The following SRPK1 variants were observed in gnomAD, a reference collection of about 807,000 sequenced individuals.
The protein encoded by SRPK1 is SFRS protein kinase 1.
Under a neutral mutation model 89.5 loss-of-function variants are expected in SRPK1, and 52 were observed. The observed-to-expected ratio is 0.58, with a 90% CI of 0.46 to 0.73. The LOEUF (loss-of-function observed/expected upper bound fraction) is 0.73. Among genes scored for constraint, SRPK1 ranks in the 30% least tolerant of loss-of-function variants. SRPK1 has a pLI of 0.00. For missense variants in SRPK1, 603 were observed against 780.6 expected (o/e 0.77, Z 2.71); for synonymous variants, 255 against 270.2 (o/e 0.94, Z 0.55).
chr6:35,902,413 T>C (rs1770763533), intron 2 of SRPK1, among the ~76,000 whole-genome samples: 1 of 151,062 alleles, frequency 6.6e-6, no homozygotes, highest in African/African-American at 2.4e-5. Flanking sequence ...AGACCCTGTT[T>C]CTAAAAAATA....
chr6:35,868,675 A>G (rs1367253166), intron 12 of SRPK1, among the ~76,000 whole-genome samples: 1 of 152,186 alleles, frequency 6.6e-6, no homozygotes, highest in Non-Finnish European at 1.5e-5. Context: ...GGAGTAGGGG[A>G]GTATGAACAT....
At chr6:35,837,890 CAG>C (rs1769216732) in intron 15 of SRPK1, among the ~76,000 whole-genome samples, 1 of 145,408 alleles carries the variant, frequency 6.9e-6, no homozygotes, top group Admixed American at 6.9e-5. Flanking sequence ...TTTTGTGAGA[CAG>C]AGTTTCACTC....
chr6:35,883,304 G>A (rs1162157337), intron 6 of SRPK1, among the ~76,000 whole-genome samples: 1 of 152,064 alleles, frequency 6.6e-6, no homozygotes, highest in African/African-American at 2.4e-5. Flanking sequence ...AAGGAGAATC[G>A]CTTGAACCTG....
intron 6 of SRPK1, among the ~76,000 whole-genome samples, chr6:35,880,746 A>AAAAAAAAAAAAAAAAAAGAAAG (rs1770263877): frequency 1.2e-4 from 11 of 89,198 alleles, no homozygotes; most frequent in Non-Finnish European, 2.2e-4. Context: ...AAAAAAAAAA[A>AAAAAAAAAAAAAAAAAAGAAAG]AAAAGAAAAG....
intron 1 of SRPK1, 83 bp downstream of exon 1, chr6:35,920,961 A>T (rs747980350): frequency 2.4e-5 from 35 of 1,446,338 alleles, no homozygotes; most frequent in Non-Finnish European, 3.1e-5. Context: ...GAACCGCGGC[A>T]GTTAAGCGAA....
intron 6 of SRPK1, among the ~76,000 whole-genome samples, chr6:35,884,492 C>G (rs889658868): frequency 2.0e-5 from 3 of 152,178 alleles, no homozygotes; most frequent in Non-Finnish European, 4.4e-5. Flanking sequence ...CGGGTAGAGG[C>G]AGGAGAGTGA....
intron 15 of SRPK1, among the ~76,000 whole-genome samples, chr6:35,836,740 G>A (rs980700366): frequency 2.7e-5 from 4 of 146,328 alleles, no homozygotes; most frequent in Admixed American, 1.4e-4. Context: ...GGGTGACAGA[G>A]TGATACCCTG....
chr6:35,880,735 G>GAAAAAAAAAAAAAAAAAAAAA (rs1238876364), intron 6 of SRPK1, among the ~76,000 whole-genome samples: 46 of 26,736 alleles, frequency 1.7e-3, no homozygotes, highest in Non-Finnish European at 2.3e-3. Flanking sequence ...AAAAAAAAAA[G>GAAAAAAAAAAAAAAAAAAAAA]AAAAAAAAAA....
chr6:35,868,340 T>C (rs1769954410), intron 12 of SRPK1, among the ~76,000 whole-genome samples: 1 of 152,184 alleles, frequency 6.6e-6, no homozygotes, highest in Non-Finnish European at 1.5e-5. Flanking sequence ...AAACATATAA[T>C]TATTTCTAAT....
intron 8 of SRPK1, among the ~76,000 whole-genome samples, chr6:35,872,200 G>A (rs1282677125): frequency 1.3e-5 from 2 of 152,220 alleles, no homozygotes; most frequent in African/African-American, 4.8e-5. Flanking sequence ...GTCTACTCCA[G>A]TGTTTAAACC....
intron 6 of SRPK1, among the ~76,000 whole-genome samples, chr6:35,881,671 A>G (rs2127253624): frequency 6.6e-6 from 1 of 152,286 alleles, no homozygotes; most frequent in Non-Finnish European, 1.5e-5. Context: ...CATTATCTAT[A>G]TTAATAAAAG....
intron 14 of SRPK1, among the ~76,000 whole-genome samples, chr6:35,839,423 A>C (rs1313846658): frequency 6.6e-6 from 1 of 152,244 alleles, no homozygotes; most frequent in Non-Finnish European, 1.5e-5. Context: ...CAATGATCTT[A>C]TGTCTTGTCT....
At chr6:35,891,596 C>A (rs942499562) in intron 2 of SRPK1, among the ~76,000 whole-genome samples, 2 of 151,728 alleles carry the variant, frequency 1.3e-5, no homozygotes, top group African/African-American at 4.8e-5. Context: ...TGGTGGGCAC[C>A]CCACGCTGTA....
chr6:35,857,465 T>C, intron 12 of SRPK1, 97 bp from the exon 13 acceptor site: 1 of 1,041,596 alleles, frequency 9.6e-7, no homozygotes, highest in Non-Finnish European at 1.4e-6. Flanking sequence ...TCTCTGAAGT[T>C]TTTCCCAAAC....
At chr6:35,918,272 A>G (rs1034205402) in intron 2 of SRPK1, among the ~76,000 whole-genome samples, 1 of 152,210 alleles carries the variant, frequency 6.6e-6, no homozygotes, top group East Asian at 1.9e-4. Flanking sequence ...AGGCTGAGGC[A>G]GGCGGATTAC....
intron 2 of SRPK1, among the ~76,000 whole-genome samples, chr6:35,904,157 A>G (rs545034703): frequency 6.6e-6 from 1 of 152,202 alleles, no homozygotes; most frequent in Non-Finnish European, 1.5e-5. Flanking sequence ...TAGTGGAAAC[A>G]TTTTACTACA....
intron 13 of SRPK1, among the ~76,000 whole-genome samples, chr6:35,851,758 G>A (rs1769560542): frequency 6.6e-6 from 1 of 152,164 alleles, no homozygotes; most frequent in Non-Finnish European, 1.5e-5. Flanking sequence ...GATGAACTGA[G>A]GCTAGAGACA....
intron 8 of SRPK1, 150 bp downstream of exon 8, chr6:35,872,413 A>G (rs1373102570): frequency 2.8e-6 from 2 of 703,312 alleles, no homozygotes; most frequent in Non-Finnish European, 4.3e-6. Flanking sequence ...TGGAAGTAAC[A>G]GTGAGAATGT....
chr6:35,889,614 G>C (rs1770476637), intron 3 of SRPK1, among the ~76,000 whole-genome samples: 1 of 151,934 alleles, frequency 6.6e-6, no homozygotes, highest in African/African-American at 2.4e-5. Context: ...GTAAAACCCA[G>C]TCTCTACTAA....
Sources: allele counts gnomAD v4.1 joint callset (sites outside exome capture counted in the v4.1 genomes callset), GRCh38; gene constraint gnomAD v4.1.1; transcripts MANE v1.5; gene names NCBI Gene and HGNC (gene_info 2026-07-23, HGNC 2026-07-21).